ADAM22: variants seen among roughly 807,000 people sequenced by gnomAD.
The protein encoded by ADAM22 is disintegrin and metalloproteinase domain-containing protein 22.
Under a neutral mutation model 144.6 loss-of-function variants are expected in ADAM22, and 65 were observed. That is an observed-to-expected ratio of 0.45 (90% CI 0.37 to 0.55). ADAM22 has a LOEUF of 0.55. Among genes scored for constraint, ADAM22 ranks in the 20% least tolerant of loss-of-function variants. ADAM22 has a pLI of 0.00. For synonymous variants in ADAM22, 391 were observed against 412.6 expected (o/e 0.95, Z 0.63); for missense variants, 974 against 1,184.9 (o/e 0.82, Z 2.61).
At chr7:88,053,739 G>T (rs550297619) in intron 3 of ADAM22, among the ~76,000 whole-genome samples, 2 of 151,886 alleles carry the variant, frequency 1.3e-5, no homozygotes, top group East Asian at 3.9e-4. Context: ...TCTTTTTAAG[G>T]GCTACATAGT....
chr7:88,118,952 A>T (rs577461619), intron 7 of ADAM22, among the ~76,000 whole-genome samples: 7 of 152,326 alleles, frequency 4.6e-5, no homozygotes, highest in African/African-American at 1.7e-4. Context: ...AAACAGTTTC[A>T]AAAGTAAGTT....
At chr7:87,949,297 A>G (rs987075057) in intron 2 of ADAM22, among the ~76,000 whole-genome samples, 1 of 152,208 alleles carries the variant, frequency 6.6e-6, no homozygotes. Context: ...AGGCAGGGCC[A>G]TGATGACGAG....
chr7:88,165,689 T>G, intron 23 of ADAM22, 143 bp from the exon 24 acceptor site: 1 of 445,190 alleles, frequency 2.2e-6, no homozygotes, highest in Non-Finnish European at 3.9e-6. Context: ...GGAGAAATAA[T>G]GTAATTAGTA....
intron 2 of ADAM22, among the ~76,000 whole-genome samples, chr7:87,960,375 G>GGTGT (rs71120011): frequency 0.53 from 78,638 of 149,248 alleles, 20,788 homozygotes; most frequent in African/African-American, 0.55. Flanking sequence ...GTGGTAGTGG[G>GGTGT]GTGTGTGTGT....
chr7:88,096,014 G>A (rs914185561), intron 4 of ADAM22, among the ~76,000 whole-genome samples: 2 of 139,608 alleles, frequency 1.4e-5, no homozygotes, highest in South Asian at 2.2e-4. Flanking sequence ...CTGTAAACTC[G>A]AACTCCTAGC....
intron 3 of ADAM22, among the ~76,000 whole-genome samples, chr7:88,055,365 CA>C (rs199831182): frequency 4.3e-4 from 62 of 145,338 alleles, no homozygotes; most frequent in South Asian, 1.1e-3. Flanking sequence ...GAACTCATCT[CA>C]AAAAAAAAAA....
intron 3 of ADAM22, among the ~76,000 whole-genome samples, chr7:88,057,113 G>A (rs1808450466): frequency 6.9e-6 from 1 of 145,438 alleles, no homozygotes; most frequent in Admixed American, 7.2e-5. Context: ...AATGTCTACA[G>A]CACATTATTG....
chr7:88,122,563 T>G (rs1033045394), intron 7 of ADAM22, among the ~76,000 whole-genome samples: 1 of 152,188 alleles, frequency 6.6e-6, no homozygotes, highest in African/African-American at 2.4e-5. Context: ...CATCCCGTTA[T>G]AGCATCTGCT....
chr7:88,027,877 A>G (rs944697297), intron 3 of ADAM22, among the ~76,000 whole-genome samples: 20 of 148,952 alleles, frequency 1.3e-4, no homozygotes, highest in South Asian at 2.1e-4. Context: ...CTGCAACCCT[A>G]CCTCCCAGGT....
At position 88,198,916 on chromosome 7, in the gene ADAM22, A is replaced by G. The variant is rs1167874535; in HGVS notation, c.*2425A>G. On this transcript the variant is annotated 3_prime_UTR_variant, in exon 32 of 32. Transcript: ENST00000413139. ...AAAAATTTTTGTTTTATTTGTAGAG[A>G]TTATGATTTGAGGTATACAGTAACT... 1.3e-5 allele frequency: 2 copies of G among 152,152 alleles called. No homozygotes were observed. The highest frequency in any genetic ancestry group is 2.9e-5 in the Non-Finnish European group (2 of 68,022). The allele number at this position is 152,152 out of a possible 1,614,324, so 9.4% of individuals were successfully genotyped here.
chr7:88,047,813 G>A (rs56897831), intron 3 of ADAM22, among the ~76,000 whole-genome samples: 60,781 of 151,794 alleles, frequency 0.4, 13,426 homozygotes, highest in East Asian at 0.59. Context: ...TAGATTACAC[G>A]TATGCAGGGC....
At chr7:88,166,614 A>G (rs1420921913) in intron 24 of ADAM22, among the ~76,000 whole-genome samples, 1 of 152,158 alleles carries the variant, frequency 6.6e-6, no homozygotes, top group Non-Finnish European at 1.5e-5. Context: ...CTCAAATCCT[A>G]AAGTTCAGTC....
intron 3 of ADAM22, among the ~76,000 whole-genome samples, chr7:87,980,428 G>A (rs1311375595): frequency 6.6e-6 from 1 of 151,826 alleles, no homozygotes; most frequent in Admixed American, 6.6e-5. Flanking sequence ...TTCAGTTTGT[G>A]TATTGTCTTA....
intron 3 of ADAM22, among the ~76,000 whole-genome samples, chr7:87,992,441 A>T (rs1326316849): frequency 1.3e-5 from 2 of 152,192 alleles, no homozygotes; most frequent in African/African-American, 4.8e-5. Context: ...CAAGGTTTTT[A>T]AGTGAATGTT....
intron 30 of ADAM22, among the ~76,000 whole-genome samples, chr7:88,191,080 A>G (rs998917522): frequency 1.3e-5 from 2 of 152,130 alleles, no homozygotes; most frequent in Non-Finnish European, 1.5e-5. Flanking sequence ...CTTCCCCTCA[A>G]GGTCCAAGGT....
intron 3 of ADAM22, among the ~76,000 whole-genome samples, chr7:87,979,184 C>T (rs1852675607): frequency 6.6e-6 from 1 of 152,026 alleles, no homozygotes; most frequent in Non-Finnish European, 1.5e-5. Context: ...AGTCTGAGGC[C>T]AGAAATTCAG....
chr7:88,042,092 G>A (rs1803278463), intron 3 of ADAM22, among the ~76,000 whole-genome samples: 1 of 151,906 alleles, frequency 6.6e-6, no homozygotes, highest in African/African-American at 2.4e-5. Flanking sequence ...ATACTGTATT[G>A]TTTGCTGTAC....
chr7:87,940,631 C>T (rs1028289893), intron 2 of ADAM22, among the ~76,000 whole-genome samples: 14 of 152,238 alleles, frequency 9.2e-5, no homozygotes, highest in Admixed American at 8.5e-4. Context: ...AGGATCAGCC[C>T]ACTACTGAAA....
intron 23 of ADAM22, 35 bp downstream of exon 23, chr7:88,163,215 T>G: frequency 6.6e-7 from 1 of 1,519,550 alleles, no homozygotes; most frequent in Non-Finnish European, 8.8e-7. Context: ...ATCTATTTCT[T>G]TTATATCACA....
Sources: gnomAD v4.1 joint callset for allele counts (sites outside exome capture counted in the v4.1 genomes callset) on GRCh38, gnomAD v4.1.1 for gene constraint, MANE v1.5 for transcripts, NCBI Gene and HGNC (gene_info 2026-07-23, HGNC 2026-07-21) for gene names.